SYNPO: variants seen among roughly 807,000 people sequenced by gnomAD.
The protein encoded by SYNPO is synaptopodin.
SYNPO carries 19 observed loss-of-function variants against 49.5 expected under a neutral mutation model. The ratio of observed to expected loss-of-function variants is 0.38; its 90% CI spans 0.27 to 0.56. The LOEUF (loss-of-function observed/expected upper bound fraction) is 0.56. SYNPO is among the 20% of genes least tolerant of loss of function. The pLI, the probability that SYNPO is intolerant of heterozygous loss-of-function variation, is 0.68. For missense variants in SYNPO, 1,131 were observed against 1,248.3 expected (o/e 0.91, Z 1.42); for synonymous variants, 536 against 548.0 (o/e 0.98, Z 0.31).
intron 2 of SYNPO, among the ~76,000 whole-genome samples, chr5:150,620,107 C>T (rs1757106772): frequency 6.6e-6 from 1 of 152,172 alleles, no homozygotes; most frequent in South Asian, 2.1e-4. Context: ...GCCGACTAGC[C>T]AAGCCCTAGC....
the SYNPO span, among the ~76,000 whole-genome samples, chr5:150,586,596 G>GGATA: frequency 2.6e-5 from 4 of 151,942 alleles, no homozygotes; most frequent in Non-Finnish European, 4.4e-5. Flanking sequence ...ATGGATGGAT[G>GGATA]GATGGATGGA....
chr5:150,650,365 G>T, intron 2 of SYNPO, 62 bp downstream of exon 2: 1 of 1,608,360 alleles, frequency 6.2e-7, no homozygotes, highest in Non-Finnish European at 8.5e-7. Flanking sequence ...TGCCGGTCAA[G>T]TTCCCCTCCT....
At chr5:150,595,407 GAGA>G in the SYNPO span, among the ~76,000 whole-genome samples, 1 of 152,220 alleles carries the variant, frequency 6.6e-6, no homozygotes, top group Non-Finnish European at 1.5e-5. Context: ...GCCCAGCGAG[GAGA>G]AGAACTTGGC....
At chr5:150,618,301 CCCCAGCCCAGGCCCTGG>C in exon 2 of SYNPO, 1 of 1,482,188 alleles carries the variant, frequency 6.7e-7, no homozygotes, top group South Asian at 1.4e-5. Flanking sequence ...ACACAGCTGG[CCCCAGCCCAGGCCCTGG>C]CCCAGGCCCA....
chr5:150,624,868 C>T lies in SYNPO; in HGVS notation c.400+6101C>T. ...GACGCGGCCAGGTGTGCCGAGGCGG[C>T]GGCGCCCGGGAGCTCGGGGACCGTG... On this transcript the variant is annotated intron_variant, in intron 2 of 2. Coordinates refer to the SYNPO transcript ENST00000394243. The T allele has an allele frequency of 1.5e-5, 15 of 985,164 alleles. No homozygotes were observed. In the South Asian group the frequency reaches 6.3e-4, roughly 42 times the overall value. The allele number at this position is 985,164 out of a possible 1,614,324, so 61.0% of individuals were successfully genotyped here. A position where few individuals can be genotyped will look rare whatever the true frequency, so the allele number is the denominator to read the frequency against.
intron 2 of SYNPO, among the ~76,000 whole-genome samples, chr5:150,624,041 C>T (rs1033533778): frequency 6.6e-6 from 1 of 152,240 alleles, no homozygotes; most frequent in African/African-American, 2.4e-5. Flanking sequence ...TACATGGCCA[C>T]TGCCATGGGG....
intron 2 of SYNPO, among the ~76,000 whole-genome samples, chr5:150,627,653 A>C (rs988695754): frequency 2.6e-5 from 4 of 152,206 alleles, no homozygotes; most frequent in African/African-American, 9.7e-5. Context: ...TTAGGGGGCT[A>C]CCGGGGGTTG....
rs781217685 is a variant in SYNPO, at chr5:150,650,118, C to T, written c.1843C>T (p.Arg615Trp). The change falls in exon 2 of 3, where the codon CGG (arginine) becomes TGG (tryptophan). Residue 615 changes from arginine to tryptophan, a missense_variant. Coordinates refer to ENST00000307662, the MANE Select transcript of SYNPO (RefSeq NM_007286.6). ...TCTCCCTCCATCTCCTGCCCTGCCT[C>T]GGCCCTCGCGCTCCTCACCGGGCCT... ...GALPPSPALP[R>W]PSRSSPGLYT... 9 of 1,613,082 alleles carry T rather than the reference C, an allele frequency of 5.6e-6. No individual in the cohort carries two copies. The highest frequency in any genetic ancestry group is 3.3e-5 in the South Asian group (3 of 91,060).
At chr5:150,639,798 G>A (rs1392046320), upstream of SYNPO, among the ~76,000 whole-genome samples, 5 of 152,242 alleles carry the variant, frequency 3.3e-5, no homozygotes, top group Non-Finnish European at 7.3e-5. Flanking sequence ...GGAAGATGTG[G>A]TGGGGACAAG....
intron 1 of SYNPO, chr5:150,608,407 A>T (rs116283631): frequency 6.6e-6 from 1 of 152,056 alleles, no homozygotes. Flanking sequence ...CTTCCTTGGG[A>T]CCTATAAGCC....
At chr5:150,605,304 TTCTCCCTGAG>T (rs1450318722) in intron 1 of SYNPO, among the ~76,000 whole-genome samples, 1 of 152,166 alleles carries the variant, frequency 6.6e-6, no homozygotes, top group Non-Finnish European at 1.5e-5. Flanking sequence ...TCTTGGAATG[TTCTCCCTGAG>T]TCTCCCAGGT....
At chr5:150,590,374 AGG>A in the SYNPO span, among the ~76,000 whole-genome samples, 1 of 152,342 alleles carries the variant, frequency 6.6e-6, no homozygotes, top group Admixed American at 6.5e-5. Flanking sequence ...ATAGCTCAGA[AGG>A]GGATGTGGAG....
upstream of SYNPO, among the ~76,000 whole-genome samples, chr5:150,636,149 T>C (rs1757708753): frequency 6.6e-6 from 1 of 152,286 alleles, no homozygotes; most frequent in Non-Finnish European, 1.5e-5. Context: ...TGGCCCTTAG[T>C]TGGTGTGTAA....
At position 150,649,621 on chromosome 5, in the gene SYNPO, T is replaced by C. The variant is rs1440259035; in HGVS notation, c.1346T>C (p.Val449Ala). 2 of 1,608,816 alleles carry C rather than the reference T, an allele frequency of 1.2e-6. No individual in the cohort carries two copies. Among genetic ancestry groups the C allele is most frequent in the African/African-American group, 1.3e-5 (1 of 74,872 alleles). ...RASPAAAEEV[V>A]PEWASCLKSP... Reference sequence around the variant, plus strand: ...AGCCCCGCGGCGGCGGAGGAGGTGGTACCAGAGTGGGCCTCCTGCCTCAAG... The same window carrying C: ...AGCCCCGCGGCGGCGGAGGAGGTGGCACCAGAGTGGGCCTCCTGCCTCAAG... Residue 449 changes from valine (V) to alanine (A), a missense_variant, in exon 2 of 3, where the codon GTA (valine) becomes GCA (alanine). By Grantham distance (64) the Val-to-Ala change is moderately conservative. Transcript: ENST00000307662.
At position 150,657,426 on chromosome 5, in the gene SYNPO, TCTCTCTCACACACA is replaced by T. The variant is rs1758614566; in HGVS notation, c.*341_*354del. The T allele has an allele frequency of 5.8e-6, 1 of 172,630 alleles. No homozygotes were observed. The highest frequency in any genetic ancestry group is 7.2e-5 in the Admixed American group (1 of 13,810). The allele number at this position is 172,630 out of a possible 1,614,324, so 10.7% of individuals were successfully genotyped here. A position where few individuals can be genotyped will look rare whatever the true frequency, so the allele number is the denominator to read the frequency against. ...CACACACTCTCTCTTTCTCTCTCTC[TCTCTCTCACACACA>T]CACACACACACACACACACACACAC... On this transcript the variant is annotated 3_prime_UTR_variant, in exon 3 of 3. Transcript: ENST00000307662.
At chr5:150,599,169 A>C (rs752224633), upstream of SYNPO, among the ~76,000 whole-genome samples, 24 of 152,236 alleles carry the variant, frequency 1.6e-4, no homozygotes, top group Non-Finnish European at 2.9e-4. Context: ...ATCACCATGT[A>C]CCGGGCGAAG....
rs12109567 is a variant in SYNPO at position 150,643,282 on chromosome 5, G to A, written c.-333+2428G>A. Among the ~76,000 whole-genome samples, 738 of 152,288 alleles carry A rather than the reference G, an allele frequency of 4.8e-3. 5 individuals carry two copies. The highest frequency in any genetic ancestry group is 0.016 in the African/African-American group (675 of 41,556). ...GCAGCTCACTTTACCTCTCTGAGCC[G>A]TAGATTTCTCATCAATAAAGTGTGC... On this transcript the variant is annotated intron_variant, in intron 1 of 2. Coordinates refer to ENST00000307662, the MANE Select transcript of SYNPO (RefSeq NM_007286.6).
At chr5:150,628,638 G>A (rs763403726) in intron 2 of SYNPO, among the ~76,000 whole-genome samples, 1 of 152,258 alleles carries the variant, frequency 6.6e-6, no homozygotes, top group Non-Finnish European at 1.5e-5. Flanking sequence ...GTCAGGTGTG[G>A]TGGCTCACGC....
At chr5:150,647,828 A>G in intron 1 of SYNPO, 116 bp from the exon 2 acceptor site, 2 of 944,974 alleles carry the variant, frequency 2.1e-6, no homozygotes, top group Non-Finnish European at 3.1e-6. Flanking sequence ...ATTAAATTCC[A>G]GAAGAGATCC....
Sources: allele counts gnomAD v4.1 joint callset (sites outside exome capture counted in the v4.1 genomes callset), GRCh38; gene constraint gnomAD v4.1.1; transcripts MANE v1.5; gene names NCBI Gene and HGNC (gene_info 2026-07-23, HGNC 2026-07-21).